TCERG1L: variants seen among roughly 807,000 people sequenced by gnomAD.
TCERG1L encodes transcription elongation regulator 1-like protein.
TCERG1L carries 37 observed loss-of-function variants against 56.3 expected under a neutral mutation model. That is an observed-to-expected ratio of 0.66 (90% CI 0.51 to 0.87). The LOEUF (loss-of-function observed/expected upper bound fraction) is 0.87. TCERG1L is among the 40% of genes least tolerant of loss of function. The pLI is 0.00. For missense variants in TCERG1L, 799 were observed against 774.2 expected (o/e 1.03, Z -0.38); for synonymous variants, 324 against 326.3 (o/e 0.99, Z 0.08).
At chr10:131,265,218 T>C (rs1846273499) in intron 3 of TCERG1L, among the ~76,000 whole-genome samples, 1 of 152,256 alleles carries the variant, frequency 6.6e-6, no homozygotes, top group Non-Finnish European at 1.5e-5. Flanking sequence ...TACCACCATG[T>C]GATTTTGTTG....
intron 4 of TCERG1L, among the ~76,000 whole-genome samples, chr10:131,209,892 T>A (rs1845598049): frequency 6.6e-6 from 1 of 152,222 alleles, no homozygotes; most frequent in Non-Finnish European, 1.5e-5. Flanking sequence ...TATATCAGAA[T>A]CTTGATGTGA....
At chr10:131,251,473 G>A (rs1846110882) in intron 4 of TCERG1L, among the ~76,000 whole-genome samples, 1 of 152,168 alleles carries the variant, frequency 6.6e-6, no homozygotes, top group African/African-American at 2.4e-5. Flanking sequence ...GACAGCACAT[G>A]CCCTTTGCAC....
In TCERG1L at chr10:131,093,318, C is replaced by T. The variant is rs752051230; in HGVS notation, c.1605G>A (p.Arg535=). 4.0e-5 allele frequency: 64 copies of T among 1,611,188 alleles called. No individual in the cohort carries two copies. The highest frequency in any genetic ancestry group is 5.0e-5 in the Non-Finnish European group (59 of 1,179,222). Residue 535 remains arginine (R), a splice_region_variant and synonymous_variant, in exon 12 of 12, where the codon AGG becomes AGA. Coordinates refer to ENST00000368642, the MANE Select transcript of TCERG1L (RefSeq NM_174937.4). ...KLLEESKVSP[R]TTFKEFAEKY... is the part of the protein sequence containing the mutation. ...TCTCTGCAAACTCCTTAAACGTGGT[C>T]CTGAAAAAGAAAGAGTTTCCTGAGA...
At chr10:131,223,468 G>GGTCCA (rs1845757637) in intron 4 of TCERG1L, among the ~76,000 whole-genome samples, 1 of 152,114 alleles carries the variant, frequency 6.6e-6, no homozygotes, top group Non-Finnish European at 1.5e-5. Context: ...TACTGTTTTG[G>GGTCCA]GTCCACCCTT....
At chr10:131,227,007 GC>G (rs1351542763) in intron 4 of TCERG1L, among the ~76,000 whole-genome samples, 1 of 152,364 alleles carries the variant, frequency 6.6e-6, no homozygotes, top group East Asian at 1.9e-4. Flanking sequence ...CAGGGAGGCG[GC>G]CCCCTCGCAG....
intron 4 of TCERG1L, among the ~76,000 whole-genome samples, chr10:131,206,440 T>C (rs1845528240): frequency 6.6e-6 from 1 of 152,196 alleles, no homozygotes; most frequent in South Asian, 2.1e-4. Flanking sequence ...TGAGCCTTCC[T>C]GGAGCAGCCC....
chr10:131,276,282 AT>A (rs1245830003), intron 3 of TCERG1L, among the ~76,000 whole-genome samples: 3 of 152,210 alleles, frequency 2.0e-5, no homozygotes, highest in Non-Finnish European at 4.4e-5. Context: ...CCTAGAATAT[AT>A]GTGTTTACAT....
chr10:131,288,198 C>A (rs1846566800), intron 3 of TCERG1L, among the ~76,000 whole-genome samples: 1 of 151,990 alleles, frequency 6.6e-6, no homozygotes, highest in Non-Finnish European at 1.5e-5. Context: ...TTACATAACA[C>A]AAAAGAAGTG....
intron 4 of TCERG1L, among the ~76,000 whole-genome samples, chr10:131,178,706 C>T (rs763462672): frequency 2.6e-5 from 4 of 152,138 alleles, no homozygotes; most frequent in African/African-American, 9.7e-5. Flanking sequence ...GGCCATCGCT[C>T]GCCCTGCCCC....
chr10:131,260,223 G>A lies in TCERG1L; in HGVS notation c.856+36C>T, dbSNP rs1429978676. The A allele has an allele frequency of 5.2e-6, 7 of 1,341,548 alleles. No individual in the cohort carries two copies. The highest frequency in any genetic ancestry group is 6.7e-6 in the Non-Finnish European group (7 of 1,042,930). 83.1% of individuals were successfully genotyped at this position (1,341,548 alleles called of 1,614,324 possible). A position where few individuals can be genotyped will look rare whatever the true frequency, so the allele number is the denominator to read the frequency against. On this transcript the variant is annotated intron_variant, in intron 4 of 11. Coordinates refer to ENST00000368642, the MANE Select transcript of TCERG1L (RefSeq NM_174937.4). The surrounding 1 kb of genome is among the most constrained non-coding windows in gnomAD (Gnocchi z 5.8). The stretch of plus-strand genomic sequence containing the variant: ...AGGAAGCCTCCGCGCGCTCGCTAAG[G>A]CAGCACCAGGCGTCGGGACGGCGCT...
At chr10:131,125,730 C>T (rs1038177672) in intron 8 of TCERG1L, among the ~76,000 whole-genome samples, 1 of 152,234 alleles carries the variant, frequency 6.6e-6, no homozygotes, top group Non-Finnish European at 1.5e-5. Flanking sequence ...GGTCAGGATT[C>T]ACAGCCAATG....
chr10:131,275,246 T>C (rs1415828725), intron 3 of TCERG1L, among the ~76,000 whole-genome samples: 1 of 152,064 alleles, frequency 6.6e-6, no homozygotes, highest in Non-Finnish European at 1.5e-5. Context: ...ACCGCATGGG[T>C]ATGAACAAGC....
intron 3 of TCERG1L, among the ~76,000 whole-genome samples, chr10:131,268,359 C>T (rs1846306812): frequency 6.6e-6 from 1 of 152,220 alleles, no homozygotes; most frequent in Non-Finnish European, 1.5e-5. Flanking sequence ...TGCTGTCACC[C>T]AGGCTTTGCT....
chr10:131,290,648 A>G (rs1316094231), intron 3 of TCERG1L, among the ~76,000 whole-genome samples: 1 of 151,980 alleles, frequency 6.6e-6, no homozygotes, highest in African/African-American at 2.4e-5. Flanking sequence ...AAAAAAAAAA[A>G]AAAACCTTAA....
intron 3 of TCERG1L, among the ~76,000 whole-genome samples, chr10:131,276,568 T>C (rs1208979837): frequency 1.3e-5 from 2 of 152,380 alleles, no homozygotes; most frequent in African/African-American, 4.8e-5. Flanking sequence ...TCTCAGCCCA[T>C]GTCTCTCTCT....
chr10:131,266,817 GCTCTCTGCAGCTGATAACTC>G lies in TCERG1L; in HGVS notation c.671-6393_671-6374del, dbSNP rs556188230. On this transcript the variant is annotated intron_variant, in intron 3 of 11. Coordinates refer to ENST00000368642, the MANE Select transcript of TCERG1L (RefSeq NM_174937.4). ...GTGGCTGGTCGTCCCTACATCTGCT[GCTCTCTGCAGCTGATAACTC>G]CTCTCTGCAGCTGGTCATCCTGGCA... Among the ~76,000 whole-genome samples the G allele has an allele frequency of 1.8e-3, 278 of 152,238 alleles. 1 individual carries two copies. Among genetic ancestry groups the G allele is most frequent in the Non-Finnish European group, 2.7e-3 (186 of 68,000 alleles).
rs937576332 is a variant in TCERG1L, at chr10:131,267,981, G to T, written c.671-7537C>A. 6.6e-6 allele frequency among the ~76,000 whole-genome samples: 1 copy of T among 152,216 alleles called. No individual in the cohort carries two copies. The highest frequency in any genetic ancestry group is 1.9e-4 in the East Asian group (1 of 5,178). ...TGCCAGGGTTGGCTCCTCTGGGAGC[G>T]AATTGCAGGCCCTGGGCCCAGCTGC... On this transcript the variant is annotated intron_variant, in intron 3 of 11. Transcript: ENST00000368642. This position sits in a 1 kb window ranked among gnomAD's most constrained non-coding sequence, Gnocchi z 4.9.
intron 6 of TCERG1L, among the ~76,000 whole-genome samples, chr10:131,157,586 A>G (rs12573168): frequency 0.025 from 3,865 of 152,238 alleles, 199 homozygotes; most frequent in East Asian, 0.23. Context: ...CTAAAGCCAA[A>G]TTACAAAAAA....
intron 7 of TCERG1L, among the ~76,000 whole-genome samples, chr10:131,137,569 C>T (rs955952493): frequency 2.0e-5 from 3 of 152,140 alleles, no homozygotes; most frequent in Non-Finnish European, 4.4e-5. Context: ...GGAGTGGCAC[C>T]TCTCCTCCAC....
Sources: gnomAD v4.1 joint callset for allele counts (sites outside exome capture counted in the v4.1 genomes callset) on GRCh38, gnomAD v4.1.1 for gene constraint, Gnocchi (gnomAD v3.1) non-coding constraint, MANE v1.5 for transcripts, NCBI Gene and HGNC (gene_info 2026-07-23, HGNC 2026-07-21) for gene names.